Variants in ZFPM2 observed in about 807,000 individuals in gnomAD.
ZFPM2 encodes the protein zinc finger protein, FOG family member 2.
A neutral mutation model predicts 98.6 loss-of-function variants in ZFPM2; 20 were observed. The observed-to-expected ratio is 0.20, with a 90% confidence interval of 0.14 to 0.29. ZFPM2 has a LOEUF of 0.29. Ranked by LOEUF, ZFPM2 falls within the 10% of genes least tolerant of loss-of-function variation. ZFPM2 has a pLI of 1.00. For missense variants in ZFPM2, 1,310 were observed against 1,388.6 expected (o/e 0.94, Z 0.90); for synonymous variants, 518 against 502.7 (o/e 1.03, Z -0.41).
At chr8:105,754,325 A>C (rs763873541) in intron 5 of ZFPM2, among the ~76,000 whole-genome samples, 3 of 152,174 alleles carry the variant, frequency 2.0e-5, no homozygotes, top group Non-Finnish European at 4.4e-5. Flanking sequence ...CTATAAGTCT[A>C]TATTCAACTA....
chr8:105,356,361 T>G lies in ZFPM2; in HGVS notation c.40+37380T>G, dbSNP rs142069553. Among the ~76,000 whole-genome samples, 657 of 152,340 alleles carry G rather than the reference T, an allele frequency of 4.3e-3. 2 individuals are homozygous for G. Among genetic ancestry groups the G allele is most frequent in the African/African-American group, 0.015 (630 of 41,580 alleles). On this transcript the variant is annotated intron_variant, in intron 1 of 7. Coordinates refer to ENST00000407775, the MANE Select transcript of ZFPM2 (RefSeq NM_012082.4). ...CCATGGCACCTAACACATTGGCTTG[T>G]ACATAGTTGGTCCTAATTAAATATT...
intron 1 of ZFPM2, among the ~76,000 whole-genome samples, chr8:105,376,052 C>T (rs983698836): frequency 1.3e-5 from 2 of 152,228 alleles, no homozygotes; most frequent in Middle Eastern, 3.4e-3. Flanking sequence ...CTTCTCTCTT[C>T]AACTCCATCC....
intron 3 of ZFPM2, among the ~76,000 whole-genome samples, chr8:105,507,520 T>C (rs1223939579): frequency 6.6e-6 from 1 of 152,258 alleles, no homozygotes; most frequent in Admixed American, 6.5e-5. Context: ...TAATATTACC[T>C]ATCTCAAAGT....
At chr8:105,670,933 A>AT (rs1183910361) in intron 5 of ZFPM2, among the ~76,000 whole-genome samples, 13 of 152,110 alleles carry the variant, frequency 8.5e-5, no homozygotes, top group East Asian at 1.9e-4. Context: ...AGTAAAAGTC[A>AT]TTTTTTTAAT....
intron 3 of ZFPM2, among the ~76,000 whole-genome samples, chr8:105,455,785 G>A (rs1191726243): frequency 1.3e-5 from 2 of 152,134 alleles, no homozygotes; most frequent in Admixed American, 6.6e-5. Flanking sequence ...TAAAGGAAAG[G>A]CATGTTTATG....
chr8:105,521,866 A>G (rs997529374), intron 3 of ZFPM2, among the ~76,000 whole-genome samples: 7 of 152,126 alleles, frequency 4.6e-5, no homozygotes, highest in African/African-American at 1.2e-4. Flanking sequence ...CATAAGCCAT[A>G]GTGCCCAGCC....
At chr8:105,795,136 C>A (rs1192069698) in intron 6 of ZFPM2, among the ~76,000 whole-genome samples, 1 of 152,178 alleles carries the variant, frequency 6.6e-6, no homozygotes, top group Non-Finnish European at 1.5e-5. Flanking sequence ...GAACCCAGTA[C>A]CTCAGATGGA....
At chr8:105,611,958 C>T (rs1195609761) in intron 4 of ZFPM2, among the ~76,000 whole-genome samples, 4 of 152,062 alleles carry the variant, frequency 2.6e-5, no homozygotes, top group Non-Finnish European at 2.9e-5. Flanking sequence ...CTTGGCCTCC[C>T]AAAGTGCTGA....
intron 5 of ZFPM2, among the ~76,000 whole-genome samples, chr8:105,747,994 A>G (rs975328350): frequency 2.0e-5 from 3 of 152,096 alleles, no homozygotes; most frequent in African/African-American, 7.2e-5. Flanking sequence ...AGGCATTTGT[A>G]TCTTTTTGTA....
At chr8:105,540,087 A>C (rs1814543941) in intron 3 of ZFPM2, among the ~76,000 whole-genome samples, 4 of 151,958 alleles carry the variant, frequency 2.6e-5, no homozygotes, top group Non-Finnish European at 4.4e-5. Context: ...CTCAATCTTT[A>C]TCTCTCTCCC....
chr8:105,598,706 TA>T (rs1197258298), intron 4 of ZFPM2, among the ~76,000 whole-genome samples: 8 of 152,036 alleles, frequency 5.3e-5, no homozygotes, highest in Non-Finnish European at 2.9e-5. Flanking sequence ...ATTTCCCTCA[TA>T]AAAAAATCAG....
At chr8:105,497,363 G>A (rs116667376) in intron 3 of ZFPM2, among the ~76,000 whole-genome samples, 6,805 of 152,072 alleles carry the variant, frequency 0.045, 526 homozygotes, top group African/African-American at 0.15. Context: ...ACCATTAAAA[G>A]CAAACAAACA....
At chr8:105,344,475 G>A (rs1187303691) in intron 1 of ZFPM2, among the ~76,000 whole-genome samples, 2 of 152,028 alleles carry the variant, frequency 1.3e-5, no homozygotes, top group Non-Finnish European at 2.9e-5. Context: ...GCATTATTAG[G>A]TTCTTGGGAA....
intron 5 of ZFPM2, among the ~76,000 whole-genome samples, chr8:105,652,081 T>G (rs1817189857): frequency 6.6e-6 from 1 of 151,812 alleles, no homozygotes; most frequent in Non-Finnish European, 1.5e-5. Context: ...ACCACAGGGT[T>G]TGGTTCGACA....
At chr8:105,528,704 G>T (rs954710975) in intron 3 of ZFPM2, among the ~76,000 whole-genome samples, 33 of 152,062 alleles carry the variant, frequency 2.2e-4, no homozygotes, top group African/African-American at 8.0e-4. Flanking sequence ...AAAGGAAAAT[G>T]AATTTGAGAC....
At chr8:105,619,020 G>A (rs1208931862) in intron 4 of ZFPM2, among the ~76,000 whole-genome samples, 2 of 152,020 alleles carry the variant, frequency 1.3e-5, no homozygotes, top group African/African-American at 2.4e-5. Flanking sequence ...AGATGCAGAG[G>A]TGCATGGATT....
intron 3 of ZFPM2, among the ~76,000 whole-genome samples, chr8:105,454,721 T>A (rs1283549611): frequency 6.6e-6 from 1 of 152,178 alleles, no homozygotes. Flanking sequence ...ATGAAAGTCT[T>A]CCCTTCGTCC....
At chr8:105,623,211 C>T (rs1237755758) in intron 4 of ZFPM2, among the ~76,000 whole-genome samples, 3 of 152,060 alleles carry the variant, frequency 2.0e-5, no homozygotes, top group African/African-American at 4.8e-5. Context: ...AATAATTTGT[C>T]TCAGAAAATC....
chr8:105,359,284 C>G (rs1378914662), intron 1 of ZFPM2, among the ~76,000 whole-genome samples: 4 of 152,066 alleles, frequency 2.6e-5, no homozygotes, highest in Non-Finnish European at 4.4e-5. Flanking sequence ...CCCAGCCATG[C>G]AGAACTGTGA....
Sources: allele counts gnomAD v4.1 joint callset (sites outside exome capture counted in the v4.1 genomes callset), GRCh38; gene constraint gnomAD v4.1.1; transcripts MANE v1.5; gene names NCBI Gene and HGNC (gene_info 2026-07-23, HGNC 2026-07-21).